The following PDE1C variants were observed in gnomAD, a reference collection of about 807,000 sequenced individuals.
PDE1C encodes the protein dual specificity calcium/calmodulin-dependent 3',5'-cyclic nucleotide phosphodiesterase 1C.
In PDE1C, 62 loss-of-function variants were observed where a neutral mutation model predicts 93.1. The observed-to-expected ratio is 0.67, with a 90% CI of 0.54 to 0.82. The LOEUF (loss-of-function observed/expected upper bound fraction) is 0.82, where lower values mean the gene tolerates loss of function less well. PDE1C is among the 40% of genes least tolerant of loss of function. The probability of loss-of-function intolerance (pLI) is 0.00; values close to 1 mark genes in which losing one functional copy is unlikely to be tolerated. For missense variants in PDE1C, 742 were observed against 884.6 expected, an observed-to-expected ratio of 0.84 and a Z score of 2.04; for synonymous variants, 325 against 310.1, an observed-to-expected ratio of 1.05 and a Z score of -0.50.
At chr7:32,382,657 C>A (rs893467007) in intron 1 of PDE1C, among the ~76,000 whole-genome samples, 1 of 152,230 alleles carries the variant, frequency 6.6e-6, no homozygotes, top group African/African-American at 2.4e-5. Flanking sequence ...AGTTACTAGT[C>A]TACAGTTCAC....
At chr7:32,025,512 GCTGGTTGACGTTTCCAAGA>G (rs559009779) in intron 2 of PDE1C, among the ~76,000 whole-genome samples, 465 of 152,266 alleles carry the variant, frequency 3.1e-3, no homozygotes, top group Non-Finnish European at 5.8e-3. Flanking sequence ...TCCCAGCAAG[GCTGGTTGACGTTTCCAAGA>G]CTGGACAGAA....
At chr7:31,986,175 T>A (rs2129067334) in intron 2 of PDE1C, among the ~76,000 whole-genome samples, 1 of 152,328 alleles carries the variant, frequency 6.6e-6, no homozygotes, top group Middle Eastern at 3.4e-3. Context: ...GGACACCTTC[T>A]CTGAAGGCTG....
At chr7:32,380,149 TTC>T (rs746747858) in intron 1 of PDE1C, among the ~76,000 whole-genome samples, 1 of 152,186 alleles carries the variant, frequency 6.6e-6, no homozygotes, top group Non-Finnish European at 1.5e-5. Context: ...ACTGCTCCAT[TTC>T]TCTGTTCCCT....
chr7:32,307,833 C>T lies in PDE1C; in HGVS notation c.311-98294G>A, dbSNP rs902774249. On this transcript the variant is annotated intron_variant, in intron 1 of 1. Coordinates refer to the PDE1C transcript ENST00000672256. ...CAGAAGACGGGTGATTTCTGCATTC[C>T]ATCTGAGGTACCGGGTTCATCTCAC... 6.0e-4 allele frequency among the ~76,000 whole-genome samples: 92 copies of T among 152,322 alleles called. 1 individual carries two copies. The highest frequency in any genetic ancestry group is 1.0e-4 in the Non-Finnish European group (7 of 68,030).
At chr7:32,212,122 T>G (rs535724739) in intron 1 of PDE1C, among the ~76,000 whole-genome samples, 6 of 151,850 alleles carry the variant, frequency 4.0e-5, no homozygotes, top group Non-Finnish European at 5.9e-5. Context: ...AAAATGACAT[T>G]TTAAAATGGG....
intron 1 of PDE1C, among the ~76,000 whole-genome samples, chr7:32,419,619 C>T (rs544737799): frequency 2.0e-5 from 3 of 152,322 alleles, no homozygotes; most frequent in African/African-American, 7.2e-5. Flanking sequence ...ACCTTCCTGG[C>T]AGTGGCTGCC....
chr7:32,143,671 G>T (rs1454670216), intron 3 of PDE1C, among the ~76,000 whole-genome samples: 1 of 152,098 alleles, frequency 6.6e-6, no homozygotes, highest in Non-Finnish European at 1.5e-5. Flanking sequence ...CAAAGCTCAA[G>T]ACTCACATTT....
At chr7:31,767,742 G>A (rs1434483357) in intron 17 of PDE1C, among the ~76,000 whole-genome samples, 1 of 152,202 alleles carries the variant, frequency 6.6e-6, no homozygotes, top group African/African-American at 2.4e-5. Flanking sequence ...AGTCCAAGAT[G>A]AGGTTTCCAG....
chr7:32,215,240 A>G (rs1369299199), intron 1 of PDE1C, among the ~76,000 whole-genome samples: 2 of 152,094 alleles, frequency 1.3e-5, no homozygotes, highest in African/African-American at 2.4e-5. Flanking sequence ...CATGAACCCT[A>G]TTTTGAACTG....
intron 1 of PDE1C, among the ~76,000 whole-genome samples, chr7:32,051,886 C>T (rs552927469): frequency 4.4e-4 from 67 of 152,218 alleles, no homozygotes; most frequent in African/African-American, 1.6e-3. Context: ...GCTTTAAAGA[C>T]CACAAAATCT....
At chr7:32,007,854 GTGTT>G (rs1264603333) in intron 2 of PDE1C, among the ~76,000 whole-genome samples, 1 of 152,194 alleles carries the variant, frequency 6.6e-6, no homozygotes, top group Non-Finnish European at 1.5e-5. Context: ...GATTCAAAAA[GTGTT>G]TGTTGACTGA....
intron 1 of PDE1C, among the ~76,000 whole-genome samples, chr7:32,412,387 C>T (rs549827931): frequency 1.4e-5 from 2 of 147,836 alleles, no homozygotes; most frequent in South Asian, 2.1e-4. Flanking sequence ...ACCCAGGAGG[C>T]GGAGGTTGCA....
chr7:31,624,860 C>T, the PDE1C span, among the ~76,000 whole-genome samples: 58 of 152,240 alleles, frequency 3.8e-4, no homozygotes, highest in Non-Finnish European at 6.8e-4. Flanking sequence ...AAAAAATTTT[C>T]GCAACCTATT....
chr7:32,311,068 G>T (rs1783026264), intron 1 of PDE1C, among the ~76,000 whole-genome samples: 1 of 152,046 alleles, frequency 6.6e-6, no homozygotes, highest in Non-Finnish European at 1.5e-5. Flanking sequence ...TGATAAAGAA[G>T]ATATCACCAC....
At chr7:32,130,980 A>C (rs56069807) in intron 3 of PDE1C, among the ~76,000 whole-genome samples, 79 of 152,004 alleles carry the variant, frequency 5.2e-4, no homozygotes, top group African/African-American at 1.9e-3. Flanking sequence ...ACCCTGTTTC[A>C]TGTTCCCTTT....
chr7:32,246,070 G>A (rs2128872402), intron 1 of PDE1C, among the ~76,000 whole-genome samples: 1 of 148,078 alleles, frequency 6.8e-6, no homozygotes, highest in African/African-American at 2.5e-5. Flanking sequence ...CTGGACTCAA[G>A]CAGTCCTCAC....
the PDE1C span, among the ~76,000 whole-genome samples, chr7:31,727,571 A>G: frequency 6.6e-6 from 1 of 152,214 alleles, no homozygotes; most frequent in Non-Finnish European, 1.5e-5. Flanking sequence ...CCTTTGATGC[A>G]TATTGTCTCT....
chr7:31,871,314 A>AT (rs1795927528), intron 6 of PDE1C, among the ~76,000 whole-genome samples: 1 of 152,100 alleles, frequency 6.6e-6, no homozygotes. Flanking sequence ...CTAGGCAAAG[A>AT]TTTTATGGCT....
chr7:32,201,301 T>C (rs985415707), intron 2 of PDE1C, among the ~76,000 whole-genome samples: 1 of 152,196 alleles, frequency 6.6e-6, no homozygotes, highest in East Asian at 1.9e-4. Context: ...AAGGAGTATA[T>C]ATTGAGAGGA....
Sources: allele counts gnomAD v4.1 joint callset (sites outside exome capture counted in the v4.1 genomes callset), GRCh38; gene constraint gnomAD v4.1.1; transcripts MANE v1.5; gene names NCBI Gene and HGNC (gene_info 2026-07-23, HGNC 2026-07-21).